The following LAMA1 variants were observed in gnomAD, a reference collection of about 807,000 sequenced individuals.
LAMA1 encodes the protein laminin subunit alpha 1.
A neutral mutation model predicts 348.7 loss-of-function variants in LAMA1; 219 were observed. That is an observed-to-expected ratio of 0.63 (90% CI 0.56 to 0.70). LAMA1 has a LOEUF of 0.70. Ranked by LOEUF, LAMA1 falls within the 30% of genes least tolerant of loss-of-function variation. LAMA1 has a pLI of 0.00. For synonymous variants in LAMA1, 1,487 were observed against 1,491.0 expected, an observed-to-expected ratio of 1.00 and a Z score of 0.06; for missense variants, 3,744 against 3,888.0, an observed-to-expected ratio of 0.96 and a Z score of 0.99.
At chr18:7,020,328 AT>A (rs1482151315) in intron 19 of LAMA1, among the ~76,000 whole-genome samples, 2 of 152,110 alleles carry the variant, frequency 1.3e-5, no homozygotes, top group Admixed American at 6.5e-5. Flanking sequence ...AGTGAGAGTT[AT>A]GGGGGGTGAG....
At position 6,991,843 on chromosome 18, in the gene LAMA1, C is replaced by A. The variant is rs138375337; in HGVS notation, c.5168+718G>T. Among the ~76,000 whole-genome samples, 530 of 152,074 alleles carry A rather than the reference C, an allele frequency of 3.5e-3. 2 individuals are homozygous for A. The highest frequency in any genetic ancestry group is 0.012 in the African/African-American group (493 of 41,486). On this transcript the variant is annotated intron_variant, in intron 36 of 62. Coordinates refer to ENST00000389658, the MANE Select transcript of LAMA1 (RefSeq NM_005559.4). ...TCCCTCACAACATAATTTAAAATAGCAAAATATTAAAGTTTAAATATCTCA... is the reference window on the plus strand; with the variant it reads ...TCCCTCACAACATAATTTAAAATAGAAAAATATTAAAGTTTAAATATCTCA...
intron 24 of LAMA1, among the ~76,000 whole-genome samples, chr18:7,011,767 T>C (rs1214718616): frequency 1.3e-5 from 2 of 152,234 alleles, no homozygotes; most frequent in Non-Finnish European, 2.9e-5. Flanking sequence ...AAGCTTTTCA[T>C]AGATTAGCTA....
chr18:7,025,623 A>C (rs146353008), intron 17 of LAMA1, among the ~76,000 whole-genome samples: 140 of 152,232 alleles, frequency 9.2e-4, no homozygotes, highest in Non-Finnish European at 1.8e-3. Flanking sequence ...ATTAGATCAA[A>C]AACTCCCTAA....
At chr18:6,957,812 T>A (rs1467605575) in intron 55 of LAMA1, among the ~76,000 whole-genome samples, 1 of 150,148 alleles carries the variant, frequency 6.7e-6, no homozygotes, top group African/African-American at 2.5e-5. Flanking sequence ...AGAGTCTCAC[T>A]CTGTCGCCCA....
intron 48 of LAMA1, among the ~76,000 whole-genome samples, chr18:6,969,334 A>T (rs1405038462): frequency 2.0e-5 from 3 of 152,116 alleles, no homozygotes; most frequent in African/African-American, 7.2e-5. Context: ...CCTCACCCAG[A>T]GGTACCTTTT....
intron 23 of LAMA1, 58 bp downstream of exon 23, chr18:7,013,754 GCCC>G: frequency 6.5e-7 from 1 of 1,541,034 alleles, no homozygotes. Context: ...AGTAGTCAAA[GCCC>G]AGGAGTCATG....
Position 7,032,185 on chromosome 18 carries a change from G to A in LAMA1, c.2164-9C>T. ...TAGCCAGAGAGGCACGACTGCAAGA[G>A]AAGGGAAAGTCATCCTCTTTCCACT... On this transcript the variant is annotated splice_polypyrimidine_tract_variant and intron_variant, in intron 15 of 62. Transcript: ENST00000389658. 6.3e-7 allele frequency: 1 copy of A among 1,579,592 alleles called. No homozygotes were observed. The highest frequency in any genetic ancestry group is 8.7e-7 in the Non-Finnish European group (1 of 1,148,616).
chr18:7,047,165 C>A (rs1451740676), intron 5 of LAMA1, among the ~76,000 whole-genome samples: 1 of 151,962 alleles, frequency 6.6e-6, no homozygotes, highest in East Asian at 1.9e-4. Flanking sequence ...CTGCCTCAGC[C>A]TCCTGAGTAG....
chr18:7,050,841 G>A lies in LAMA1; in HGVS notation c.441C>T (p.Ser147=). The A allele has an allele frequency of 1.2e-6, 2 of 1,614,164 alleles. No individual in the cohort carries two copies. The highest frequency in any genetic ancestry group is 1.1e-5 in the South Asian group (1 of 91,084). ...LERSLDGTTF[S]PWQYYAVSDS... ...CGCTGACTGCATAATACTGCCAGGGGCTGAACGTGGTGCCATCCAGAGAAC... is the reference window on the plus strand; with the variant it reads ...CGCTGACTGCATAATACTGCCAGGGACTGAACGTGGTGCCATCCAGAGAAC... Residue 147 remains serine (S), a synonymous_variant, in exon 4 of 63, where the codon AGC becomes AGT. Coordinates refer to ENST00000389658, the MANE Select transcript of LAMA1 (RefSeq NM_005559.4).
At chr18:7,017,138 T>C (rs1266477728) in intron 20 of LAMA1, 140 bp downstream of exon 20, 2 of 758,998 alleles carry the variant, frequency 2.6e-6, no homozygotes, top group Non-Finnish European at 4.6e-6. Context: ...CCTTTGTTGA[T>C]AAATTCCCCA....
chr18:7,002,832 C>A (rs2057813967), intron 29 of LAMA1, among the ~76,000 whole-genome samples: 1 of 151,786 alleles, frequency 6.6e-6, no homozygotes, highest in Non-Finnish European at 1.5e-5. Flanking sequence ...TTTTAGAGCA[C>A]CACTGATAGA....
rs532817042 is a variant in LAMA1 at position 7,040,160 on chromosome 18, C to T, written c.1338G>A (p.Lys446=). The change falls in exon 10 of 63, where the codon AAG becomes AAA. Residue 446 remains lysine, a synonymous_variant. Coordinates refer to ENST00000389658, the MANE Select transcript of LAMA1 (RefSeq NM_005559.4). ...EKCDRCQLGY[K]DYPTCVSCGC... is the part of the protein sequence containing the mutation. ...CACAGGAGACACAGGTCGGGTAATC[C>T]TTATAGCCAAGTTGGCAGCGATCAC... 10 of 1,614,126 alleles carry T rather than the reference C, an allele frequency of 6.2e-6. No individual in the cohort carries two copies. In the Admixed American group the frequency reaches 1.2e-4, roughly 19 times the overall value.
chr18:7,011,626 T>C, intron 24 of LAMA1, 147 bp from the exon 25 acceptor site: 1 of 919,210 alleles, frequency 1.1e-6, no homozygotes, highest in South Asian at 1.5e-5. Context: ...AAACTAAACA[T>C]CTGGAAGAAA....
At chr18:6,975,800 T>G (rs2057678955) in intron 45 of LAMA1, 137 bp downstream of exon 45, 6 of 997,266 alleles carry the variant, frequency 6.0e-6, no homozygotes, top group Non-Finnish European at 9.2e-6. Flanking sequence ...GCTACCATTT[T>G]AACAAAGGTT....
intron 1 of LAMA1, among the ~76,000 whole-genome samples, chr18:7,099,535 A>C (rs1218808296): frequency 3.3e-5 from 5 of 152,202 alleles, no homozygotes; most frequent in African/African-American, 9.6e-5. Flanking sequence ...ACCATACACA[A>C]AAGCTAACTC....
At chr18:7,036,975 G>T (rs946922957) in intron 12 of LAMA1, among the ~76,000 whole-genome samples, 9 of 152,068 alleles carry the variant, frequency 5.9e-5, no homozygotes, top group African/African-American at 2.2e-4. Context: ...TGGGGAGGGG[G>T]GAATGGGAAC....
intron 1 of LAMA1, among the ~76,000 whole-genome samples, chr18:7,110,478 C>G (rs996133978): frequency 5.9e-5 from 9 of 152,244 alleles, no homozygotes; most frequent in African/African-American, 2.2e-4. Context: ...CAAGATTCCA[C>G]TTGTTGTGGG....
intron 44 of LAMA1, among the ~76,000 whole-genome samples, chr18:6,976,591 T>A (rs8093110): frequency 0.025 from 1,562 of 63,610 alleles, 29 homozygotes; most frequent in African/African-American, 0.11. Context: ...TGGGCTTATA[T>A]TTATTTATTT....
chr18:6,961,359 T>C (rs1322550293), intron 53 of LAMA1, among the ~76,000 whole-genome samples: 1 of 152,156 alleles, frequency 6.6e-6, no homozygotes, highest in Non-Finnish European at 1.5e-5. Context: ...AGCAAATAAC[T>C]TTTTCCTCAG....
Sources: allele counts gnomAD v4.1 joint callset (sites outside exome capture counted in the v4.1 genomes callset), GRCh38; gene constraint gnomAD v4.1.1; transcripts MANE v1.5; gene names NCBI Gene and HGNC (gene_info 2026-07-23, HGNC 2026-07-21).